FOXP1: variants seen among roughly 807,000 people sequenced by gnomAD.
The protein encoded by FOXP1 is forkhead box protein P1.
A neutral mutation model predicts 98.2 loss-of-function variants in FOXP1; 15 were observed. The observed-to-expected ratio is 0.15, with a 90% CI of 0.10 to 0.24. FOXP1 has a LOEUF of 0.24. Among genes scored for constraint, FOXP1 ranks in the 10% least tolerant of loss-of-function variants. FOXP1 has a pLI of 1.00. For missense variants in FOXP1, 633 were observed against 848.5 expected (o/e 0.75, Z 3.15); for synonymous variants, 371 against 314.5 (o/e 1.18, Z -1.90).
At chr3:71,575,065 CGATTTAAAAACACA>C (rs2047621596) in intron 2 of FOXP1, among the ~76,000 whole-genome samples, 2 of 152,148 alleles carry the variant, frequency 1.3e-5, no homozygotes, top group African/African-American at 4.8e-5. Flanking sequence ...ATGTGGGATG[CGATTTAAAAACACA>C]GATGCTGGCC....
At chr3:71,364,183 A>T (rs1577143146) in intron 3 of FOXP1, among the ~76,000 whole-genome samples, 1 of 152,238 alleles carries the variant, frequency 6.6e-6, no homozygotes, top group Non-Finnish European at 1.5e-5. Context: ...ACCCAAATAC[A>T]TGGACCTTTC....
chr3:71,158,105 A>AAGGAAGGGAGGGAGGGAGGGAGGGAGGG (rs1443906018), intron 6 of FOXP1, among the ~76,000 whole-genome samples: 1 of 34,020 alleles, frequency 2.9e-5, no homozygotes, highest in African/African-American at 6.5e-5. Flanking sequence ...GGAAGGAAGG[A>AAGGAAGGGAGGGAGGGAGGGAGGGAGGG]AGGGAGGGAG....
At chr3:71,431,904 G>A (rs1230833744) in intron 3 of FOXP1, among the ~76,000 whole-genome samples, 2 of 152,096 alleles carry the variant, frequency 1.3e-5, no homozygotes, top group East Asian at 1.9e-4. Flanking sequence ...TTTTTAAAAA[G>A]ACTAAATTTA....
At chr3:71,086,007 C>A (rs1466969502) in intron 7 of FOXP1, among the ~76,000 whole-genome samples, 1 of 151,972 alleles carries the variant, frequency 6.6e-6, no homozygotes, top group Non-Finnish European at 1.5e-5. Context: ...GGATTACAGG[C>A]GTGAGCCACC....
In FOXP1 at chr3:71,576,697, C is replaced by G. The variant is rs2047744225; in HGVS notation, c.-298+4852G>C. On this transcript the variant is annotated intron_variant, in intron 2 of 20. Transcript: ENST00000649528. ...TAGAAAGCTCCCACTGCCCTTTGCA[C>G]TCTACCAATAACCTTAAATTATTAC... is the stretch of plus-strand genomic sequence containing the variant. Among the ~76,000 whole-genome samples the G allele has an allele frequency of 2.0e-5, 3 of 152,134 alleles. 1 individual carries two copies. In the South Asian group the frequency reaches 6.2e-4, roughly 32 times the overall value.
intron 3 of FOXP1, among the ~76,000 whole-genome samples, chr3:71,428,313 C>A (rs561328296): frequency 6.6e-6 from 1 of 152,358 alleles, no homozygotes; most frequent in South Asian, 2.1e-4. Flanking sequence ...AAGTGGGACA[C>A]TCTGTCAAGT....
At chr3:71,574,929 G>A (rs1423877850) in intron 2 of FOXP1, among the ~76,000 whole-genome samples, 1 of 152,270 alleles carries the variant, frequency 6.6e-6, no homozygotes, top group African/African-American at 2.4e-5. Context: ...AAGGAGCTCC[G>A]TTTTCTTCTC....
chr3:71,412,376 T>C (rs1325205495), intron 3 of FOXP1, among the ~76,000 whole-genome samples: 1 of 152,162 alleles, frequency 6.6e-6, no homozygotes, highest in Non-Finnish European at 1.5e-5. Flanking sequence ...ACTGAAGTAT[T>C]AGTCATGTTG....
Position 71,084,155 on chromosome 3 carries a change from T to G in FOXP1, c.282+28381A>C, listed in dbSNP as rs915511596. ...TCTTTCGATCACCCCAATTCACAAA[T>G]TTCTTTCAAGGGTATGCCTGCAACA... On this transcript the variant is annotated intron_variant, in intron 7 of 20. Transcript: ENST00000649528. Among the ~76,000 whole-genome samples, 4 of 152,162 alleles carry G rather than the reference T, an allele frequency of 2.6e-5. No homozygotes were observed. The East Asian group carries it at 7.7e-4, about 29-fold the overall frequency.
chr3:71,295,541 T>C (rs2073198451), intron 5 of FOXP1, among the ~76,000 whole-genome samples: 1 of 150,526 alleles, frequency 6.6e-6, no homozygotes, highest in African/African-American at 2.4e-5. Context: ...TGTTTTTTAG[T>C]TTTCTCTCAA....
intron 3 of FOXP1, among the ~76,000 whole-genome samples, chr3:71,486,410 A>C (rs1173732636): frequency 6.6e-6 from 1 of 152,230 alleles, no homozygotes; most frequent in African/African-American, 2.4e-5. Context: ...GGTGCTACAT[A>C]GAATATCTGT....
intron 2 of FOXP1, among the ~76,000 whole-genome samples, chr3:71,555,789 G>C (rs184929679): frequency 1.3e-5 from 2 of 152,168 alleles, no homozygotes; most frequent in East Asian, 1.9e-4. Context: ...ATCCATTATA[G>C]AGAAGTATTA....
intron 7 of FOXP1, among the ~76,000 whole-genome samples, chr3:71,063,780 G>C (rs1420905026): frequency 6.6e-6 from 1 of 152,088 alleles, no homozygotes; most frequent in African/African-American, 2.4e-5. Context: ...AGAACATTTG[G>C]TTTGTTTGGA....
intron 7 of FOXP1, among the ~76,000 whole-genome samples, chr3:71,073,615 G>C (rs1344568631): frequency 6.6e-6 from 1 of 152,218 alleles, no homozygotes; most frequent in Non-Finnish European, 1.5e-5. Context: ...CATTTGTAAA[G>C]TGGGAATGAT....
At chr3:70,972,308 T>A in intron 18 of FOXP1, 1 of 976,498 alleles carries the variant, frequency 1.0e-6, no homozygotes, top group Non-Finnish European at 1.5e-6. Flanking sequence ...AGCAAATGGT[T>A]TGTGAGGGTT....
At chr3:71,442,472 C>G (rs577042749) in intron 3 of FOXP1, among the ~76,000 whole-genome samples, 2 of 151,670 alleles carry the variant, frequency 1.3e-5, no homozygotes, top group African/African-American at 4.8e-5. Context: ...ATCTTGAGAA[C>G]GTCCAGCTGA....
chr3:71,478,935 G>T (rs2090061722), intron 3 of FOXP1, among the ~76,000 whole-genome samples: 1 of 152,196 alleles, frequency 6.6e-6, no homozygotes, highest in Non-Finnish European at 1.5e-5. Context: ...GGGGGGGAGG[G>T]AAAGTCACTT....
intron 7 of FOXP1, among the ~76,000 whole-genome samples, chr3:71,072,484 T>C (rs1011639804): frequency 2.6e-5 from 4 of 152,218 alleles, no homozygotes; most frequent in African/African-American, 9.6e-5. Context: ...CCAAAACGTT[T>C]ACTGGGACAT....
chr3:71,312,111 C>T (rs2107625090), intron 4 of FOXP1, among the ~76,000 whole-genome samples: 1 of 152,302 alleles, frequency 6.6e-6, no homozygotes, highest in Non-Finnish European at 1.5e-5. Context: ...CCTGAGTCCA[C>T]CAAGGGCTTG....
Sources: allele counts gnomAD v4.1 joint callset (sites outside exome capture counted in the v4.1 genomes callset), GRCh38; gene constraint gnomAD v4.1.1; transcripts MANE v1.5; gene names NCBI Gene and HGNC (gene_info 2026-07-23, HGNC 2026-07-21).